The following PDGFD variants were observed in gnomAD, a reference collection of about 807,000 sequenced individuals.
The protein encoded by PDGFD is platelet-derived growth factor D.
A neutral mutation model predicts 44.7 loss-of-function variants in PDGFD; 30 were observed. The ratio of observed to expected loss-of-function variants is 0.67; its 90% CI spans 0.50 to 0.91. The LOEUF (loss-of-function observed/expected upper bound fraction) is 0.91, where lower values mean the gene tolerates loss of function less well. PDGFD is among the 40% of genes least tolerant of loss of function. The pLI is 0.00. For missense variants in PDGFD, 445 were observed against 457.8 expected, an observed-to-expected ratio of 0.97 and a Z score of 0.25; for synonymous variants, 173 against 168.4, an observed-to-expected ratio of 1.03 and a Z score of -0.21.
chr11:103,948,770 T>C (rs556397851), intron 3 of PDGFD, among the ~76,000 whole-genome samples: 343 of 152,196 alleles, frequency 2.3e-3, no homozygotes, highest in African/African-American at 7.9e-3. Context: ...CATTTGTTAA[T>C]TGGTTATGAT....
At chr11:103,957,945 G>T (rs1311176804) in intron 3 of PDGFD, among the ~76,000 whole-genome samples, 1 of 151,908 alleles carries the variant, frequency 6.6e-6, no homozygotes, top group Non-Finnish European at 1.5e-5. Flanking sequence ...ATGGTGTTTG[G>T]TAAGTGAACA....
intron 3 of PDGFD, among the ~76,000 whole-genome samples, chr11:103,981,019 T>C (rs1468407905): frequency 6.7e-6 from 1 of 149,184 alleles, no homozygotes; most frequent in East Asian, 1.9e-4. Flanking sequence ...CCCTCTGCTA[T>C]GTTTCGAATG....
intron 5 of PDGFD, among the ~76,000 whole-genome samples, chr11:103,934,224 TA>T (rs1486598667): frequency 2.6e-5 from 4 of 152,184 alleles, no homozygotes; most frequent in Admixed American, 1.3e-4. Context: ...TTGTTAAGAT[TA>T]AATGAGTTTT....
At chr11:104,105,849 T>C (rs1861464952) in intron 1 of PDGFD, among the ~76,000 whole-genome samples, 1 of 151,584 alleles carries the variant, frequency 6.6e-6, no homozygotes, top group South Asian at 2.1e-4. Flanking sequence ...TGGAAAAGAC[T>C]ACATACTTCT....
Position 104,000,210 on chromosome 11 carries a change from T to A in PDGFD, c.170A>T (p.Gln57Leu). 1 of 1,614,096 alleles carries A rather than the reference T, an allele frequency of 6.2e-7. No homozygotes were observed. Among genetic ancestry groups the A allele is most frequent in the Middle Eastern group, 1.7e-4 (1 of 6,046 alleles). ...CTGCACGTAGCCGTTTCCTTTCACC[T>A]GGATGGTCTCATCTCTTCGGTACAA... is the stretch of plus-strand genomic sequence containing the variant. ...TDLYRRDETI[Q>L]VKGNGYVQSP... Residue 57 changes from glutamine to leucine, a missense_variant, in exon 2 of 7, where the codon CAG becomes CTG. Gln to Leu is a moderately radical substitution (Grantham distance 113, BLOSUM62 -2). Coordinates refer to ENST00000393158, the MANE Select transcript of PDGFD (RefSeq NM_025208.5).
At chr11:104,154,855 T>C (rs1379053710) in intron 1 of PDGFD, among the ~76,000 whole-genome samples, 4 of 152,192 alleles carry the variant, frequency 2.6e-5, no homozygotes, top group Admixed American at 6.5e-5. Context: ...TGAGTAGTTG[T>C]AACAGAGACC....
rs1236367699 is a variant in PDGFD at position 104,163,905 on chromosome 11, T to A, written c.23A>T (p.Tyr8Phe). Residue 8 changes from tyrosine (Y) to phenylalanine (F), a missense_variant, in exon 1 of 7, where the codon TAC becomes TTC. Tyr to Phe is a conservative substitution (Grantham distance 22). Transcript: ENST00000393158. The part of the protein sequence containing the change: MHRLIFV[Y>F]TLICANFCSC... ...GCAAAAGTTTGCGCAGATTAGAGTG[T>A]AGACAAAGATGAGCCGGTGCATTTG... 6.4e-7 allele frequency: 1 copy of A among 1,554,172 alleles called. No homozygotes were observed. Among genetic ancestry groups the A allele is most frequent in the Non-Finnish European group, 8.8e-7 (1 of 1,137,422 alleles).
At chr11:103,928,004 T>C (rs1249767764) in intron 5 of PDGFD, among the ~76,000 whole-genome samples, 1 of 152,214 alleles carries the variant, frequency 6.6e-6, no homozygotes, top group Non-Finnish European at 1.5e-5. Context: ...ATATACTACG[T>C]CTTTCTCCCT....
chr11:104,143,199 T>C (rs1292451204), intron 1 of PDGFD, among the ~76,000 whole-genome samples: 1 of 152,214 alleles, frequency 6.6e-6, no homozygotes, highest in East Asian at 1.9e-4. Flanking sequence ...TTAATTTTAA[T>C]AGGAAGGCAT....
chr11:103,937,217 A>C (rs1858503081), intron 5 of PDGFD, among the ~76,000 whole-genome samples: 1 of 152,188 alleles, frequency 6.6e-6, no homozygotes, highest in Non-Finnish European at 1.5e-5. Flanking sequence ...TTTAATTATT[A>C]ATTTAAAACT....
chr11:104,140,050 G>A lies in PDGFD; in HGVS notation c.124+23754C>T, dbSNP rs1007421080. ...AGTCCGCAGTCTGGCCTGGGCGACA[G>A]AGCGAGACTCCGTCTCAAAAAAAAA... On this transcript the variant is annotated intron_variant, in intron 1 of 6. Coordinates refer to ENST00000393158, the MANE Select transcript of PDGFD (RefSeq NM_025208.5). 3.0e-4 allele frequency among the ~76,000 whole-genome samples: 6 copies of A among 19,974 alleles called. 2 individuals are homozygous for A. Among genetic ancestry groups the A allele is most frequent in the Non-Finnish European group, 5.2e-4 (6 of 11,542 alleles). The allele number at this position is 19,974 out of a possible 152,430, so 13.1% of individuals were successfully genotyped here. A position where few individuals can be genotyped will look rare whatever the true frequency, so the allele number is the denominator to read the frequency against.
intron 1 of PDGFD, among the ~76,000 whole-genome samples, chr11:104,147,851 G>A (rs1426550736): frequency 6.6e-6 from 1 of 152,090 alleles, no homozygotes; most frequent in Non-Finnish European, 1.5e-5. Context: ...AACATATGGC[G>A]GGGTTCTCTT....
Position 104,037,081 on chromosome 11 carries a change from C to A in PDGFD, c.125-36826G>T, listed in dbSNP as rs116347291. On this transcript the variant is annotated intron_variant, in intron 1 of 6. Transcript: ENST00000393158. ...CAATGTGGGACCTCGGGCTCCAGGG[C>A]GTGCCCCGAACCAGCCTCGTGTAGA... 3.1e-6 allele frequency: 5 copies of A among 1,614,198 alleles called. No individual in the cohort carries two copies. The South Asian group carries it at 5.5e-5, about 18-fold the overall frequency.
At chr11:104,008,058 C>T (rs2134372510) in intron 1 of PDGFD, among the ~76,000 whole-genome samples, 1 of 152,268 alleles carries the variant, frequency 6.6e-6, no homozygotes, top group South Asian at 2.1e-4. Context: ...AGAGCTGAGT[C>T]TTAAAGTCAG....
intron 1 of PDGFD, among the ~76,000 whole-genome samples, chr11:104,100,257 C>T (rs112743316): frequency 0.055 from 8,410 of 151,844 alleles, 360 homozygotes; most frequent in African/African-American, 0.12. Flanking sequence ...ATCAAATAGA[C>T]GCAATAAAAA....
At chr11:103,931,228 A>G (rs1222960485) in intron 5 of PDGFD, among the ~76,000 whole-genome samples, 2 of 152,264 alleles carry the variant, frequency 1.3e-5, no homozygotes, top group Non-Finnish European at 2.9e-5. Flanking sequence ...TCTGGTGGAC[A>G]GAAGTCCAAA....
chr11:104,002,076 C>A (rs188809462), intron 1 of PDGFD, among the ~76,000 whole-genome samples: 3 of 152,288 alleles, frequency 2.0e-5, no homozygotes, highest in Non-Finnish European at 2.9e-5. Context: ...CAGTGGCCTG[C>A]AGTCATGGCA....
Position 103,909,625 on chromosome 11 carries a change from G to A in PDGFD, c.*69C>T. 8 of 1,579,144 alleles carry A rather than the reference G, an allele frequency of 5.1e-6. No individual in the cohort carries two copies. The highest frequency in any genetic ancestry group is 4.5e-5 in the South Asian group (4 of 89,214). On this transcript the variant is annotated 3_prime_UTR_variant, in exon 7 of 7. Transcript: ENST00000393158. The stretch of plus-strand genomic sequence containing the variant: ...GTAAGTTTGGTTGCTGGTAGGAAAA[G>A]GGTCTCTTATCTCACCCTCCTTAAA...
At chr11:104,121,365 T>C (rs1400356328) in intron 1 of PDGFD, among the ~76,000 whole-genome samples, 1 of 151,966 alleles carries the variant, frequency 6.6e-6, no homozygotes, top group East Asian at 1.9e-4. Flanking sequence ...CATTTCACCG[T>C]GCTCAGAAAA....
Sources: allele counts gnomAD v4.1 joint callset (sites outside exome capture counted in the v4.1 genomes callset), GRCh38; gene constraint gnomAD v4.1.1; transcripts MANE v1.5; gene names NCBI Gene and HGNC (gene_info 2026-07-23, HGNC 2026-07-21).